Variants in MAP3K5 observed in about 807,000 individuals in gnomAD.
MAP3K5 encodes the protein ASK-1.
A neutral mutation model predicts 158.7 loss-of-function variants in MAP3K5; 56 were observed. That is an observed-to-expected ratio of 0.35 (90% CI 0.28 to 0.44). The LOEUF (loss-of-function observed/expected upper bound fraction) is 0.44, where lower values mean the gene tolerates loss of function less well. Ranked by LOEUF, MAP3K5 falls within the 20% of genes least tolerant of loss-of-function variation. MAP3K5 has a pLI of 1.00. For synonymous variants in MAP3K5, 579 were observed against 601.7 expected (o/e 0.96, Z 0.55); for missense variants, 1,294 against 1,674.8 (o/e 0.77, Z 3.97).
Position 136,699,145 on chromosome 6 carries a change from T to C in MAP3K5, c.613-463A>G, listed in dbSNP as rs61092381. The stretch of plus-strand genomic sequence containing the variant: ...ATCCACCCCCCGGGAGGCTGCTCTC[T>C]CTCTGTCTCCCCACTACTAAAACTA... On this transcript the variant is annotated intron_variant, in intron 3 of 29. Coordinates refer to ENST00000359015, the MANE Select transcript of MAP3K5 (RefSeq NM_005923.4). 6.6e-5 allele frequency among the ~76,000 whole-genome samples: 10 copies of C among 152,284 alleles called. No individual in the cohort carries two copies. In the East Asian group the frequency reaches 1.9e-3, roughly 29 times the overall value.
At chr6:136,572,372 C>A (rs574125371) in intron 25 of MAP3K5, among the ~76,000 whole-genome samples, 21 of 152,214 alleles carry the variant, frequency 1.4e-4, no homozygotes, top group Non-Finnish European at 2.8e-4. Context: ...GATTCTCCTG[C>A]CTCAGCCTTC....
At chr6:136,619,406 C>T (rs1776705810) in intron 15 of MAP3K5, among the ~76,000 whole-genome samples, 1 of 152,096 alleles carries the variant, frequency 6.6e-6, no homozygotes, top group Non-Finnish European at 1.5e-5. Flanking sequence ...GCAGTAGTGA[C>T]GTGATGTGAT....
chr6:136,694,397 A>T, intron 6 of MAP3K5, 87 bp from the exon 7 acceptor site: 1 of 1,089,408 alleles, frequency 9.2e-7, no homozygotes, highest in Non-Finnish European at 1.3e-6. Context: ...TAACATGTTG[A>T]TTCATATTAG....
At position 136,792,253 on chromosome 6, in the gene MAP3K5, A is replaced by G; in HGVS notation, c.-96T>C. ...GGGCTGCTCCGCGCCCGCCGGGCTA[A>G]GCAGCTGCCATCGCGCGCCGCGCCC... On this transcript the variant is annotated 5_prime_UTR_variant, in exon 1 of 30. Coordinates refer to ENST00000359015, the MANE Select transcript of MAP3K5 (RefSeq NM_005923.4). The surrounding 1 kb of genome is among the most constrained non-coding windows in gnomAD (Gnocchi z 5.7). 8.1e-7 allele frequency: 1 copy of G among 1,234,512 alleles called. No individual in the cohort carries two copies. 76.5% of individuals were successfully genotyped at this position (1,234,512 alleles called of 1,614,324 possible).
intron 23 of MAP3K5, 139 bp downstream of exon 23, chr6:136,592,034 T>C (rs761076616): frequency 2.3e-5 from 15 of 641,020 alleles, no homozygotes; most frequent in Non-Finnish European, 3.8e-5. Flanking sequence ...TGCCTTCTTT[T>C]TTCCTGTGGG....
chr6:136,558,835 ATAG>A lies in MAP3K5; in HGVS notation c.4026_4028del (p.Tyr1343del). The A allele has an allele frequency of 6.2e-7, 1 of 1,605,128 alleles. No homozygotes were observed. The highest frequency in any genetic ancestry group is 1.3e-5 in the African/African-American group (1 of 74,710). On this transcript the variant is annotated inframe_deletion, in exon 29 of 30. Coordinates refer to ENST00000359015, the MANE Select transcript of MAP3K5 (RefSeq NM_005923.4). ...AGCATTTTAAGTCATCACGTGTAAC[ATAG>A]TAGAGAACATCCAATAGTGTATAAT... is the stretch of plus-strand genomic sequence containing the variant.
intron 1 of MAP3K5, among the ~76,000 whole-genome samples, chr6:136,731,162 G>T (rs1782208752): frequency 6.6e-6 from 1 of 152,122 alleles, no homozygotes; most frequent in African/African-American, 2.4e-5. Flanking sequence ...GGGGTCTTCT[G>T]GGGTGCTGGT....
intron 18 of MAP3K5, 63 bp downstream of exon 18, chr6:136,611,219 G>T (rs1583271121): frequency 1.0e-6 from 1 of 962,698 alleles, no homozygotes. Flanking sequence ...CTCACATTGT[G>T]CTCAAACTCA....
intron 8 of MAP3K5, among the ~76,000 whole-genome samples, chr6:136,667,036 A>G (rs748870794): frequency 2.0e-5 from 3 of 152,202 alleles, no homozygotes; most frequent in Admixed American, 6.5e-5. Flanking sequence ...GACCATCTTA[A>G]TAAGTATTTA....
chr6:136,600,283 C>T (rs897841709), intron 21 of MAP3K5, among the ~76,000 whole-genome samples: 1 of 151,504 alleles, frequency 6.6e-6, no homozygotes, highest in Non-Finnish European at 1.5e-5. Context: ...CTCCACCACC[C>T]CAGTCTCAAG....
intron 1 of MAP3K5, among the ~76,000 whole-genome samples, chr6:136,723,352 G>A (rs1781824044): frequency 6.6e-6 from 1 of 151,850 alleles, no homozygotes; most frequent in African/African-American, 2.4e-5. Context: ...TATACATACT[G>A]CCAGGTATAG....
rs1331338997 is a variant in MAP3K5, at chr6:136,660,160, TCAGTTGAAGTATAAATGCATA to T, written c.1367-803_1367-783del. Among the ~76,000 whole-genome samples the T allele has an allele frequency of 7.2e-5, 11 of 152,348 alleles. No individual in the cohort carries two copies. The East Asian group carries it at 2.1e-3, about 29-fold the overall frequency. On this transcript the variant is annotated intron_variant, in intron 8 of 29. Transcript: ENST00000359015. ...TTACCTTTTTTACGCTGAAATTCTA[TCAGTTGAAGTATAAATGCATA>T]CAGTATATATATTTCGCAAGAATAA...
intron 15 of MAP3K5, among the ~76,000 whole-genome samples, chr6:136,617,209 A>G (rs908076795): frequency 6.6e-6 from 1 of 152,184 alleles, no homozygotes; most frequent in Non-Finnish European, 1.5e-5. Flanking sequence ...CTCCAATATA[A>G]AAAATATTAC....
intron 1 of MAP3K5, among the ~76,000 whole-genome samples, chr6:136,760,499 G>A (rs1473150765): frequency 1.3e-5 from 2 of 152,122 alleles, no homozygotes; most frequent in Non-Finnish European, 2.9e-5. Context: ...TGTAATTAAT[G>A]GTATTATTTG....
At chr6:136,664,204 T>C (rs1562592369) in intron 8 of MAP3K5, among the ~76,000 whole-genome samples, 1 of 152,098 alleles carries the variant, frequency 6.6e-6, no homozygotes, top group Admixed American at 6.6e-5. Flanking sequence ...TGAACACTAT[T>C]GTGAACTGCG....
intron 26 of MAP3K5, among the ~76,000 whole-genome samples, chr6:136,563,409 A>G (rs1352834704): frequency 1.3e-5 from 2 of 152,224 alleles, no homozygotes; most frequent in Admixed American, 1.3e-4. Context: ...AAAATTTGAG[A>G]AACAGTCATA....
Position 136,639,532 on chromosome 6 carries a change from C to T in MAP3K5, c.1934+11G>A, listed in dbSNP as rs554410319. ...GAAGAATCTTTTTCACACACAATGA[C>T]TAATACGTACTTTTTACAATGAAGT... On this transcript the variant is annotated intron_variant, in intron 13 of 29. Coordinates refer to ENST00000359015, the MANE Select transcript of MAP3K5 (RefSeq NM_005923.4). 1 of 1,456,404 alleles carries T rather than the reference C, an allele frequency of 6.9e-7. No individual in the cohort carries two copies. The highest frequency in any genetic ancestry group is 9.5e-7 in the Non-Finnish European group (1 of 1,051,002). 90.2% of individuals were successfully genotyped at this position (1,456,404 alleles called of 1,614,324 possible).
At chr6:136,612,747 T>C (rs981937581) in intron 17 of MAP3K5, among the ~76,000 whole-genome samples, 1 of 152,164 alleles carries the variant, frequency 6.6e-6, no homozygotes, top group African/African-American at 2.4e-5. Flanking sequence ...TCAATAAGTA[T>C]TTACTGAGTA....
At chr6:136,586,709 T>C (rs1197473977) in intron 23 of MAP3K5, among the ~76,000 whole-genome samples, 1 of 152,192 alleles carries the variant, frequency 6.6e-6, no homozygotes, top group Non-Finnish European at 1.5e-5. Flanking sequence ...TGTGAGGGTG[T>C]TGCCAAAGGA....
Sources: allele counts gnomAD v4.1 joint callset (sites outside exome capture counted in the v4.1 genomes callset), GRCh38; gene constraint gnomAD v4.1.1; non-coding constraint Gnocchi (gnomAD v3.1); transcripts MANE v1.5; gene names NCBI Gene and HGNC (gene_info 2026-07-23, HGNC 2026-07-21).